Variants in C5orf24 observed in about 807,000 individuals in gnomAD.
C5orf24 encodes UPF0461 protein C5orf24.
In C5orf24, 4 loss-of-function variants were observed where a neutral mutation model predicts 9.8. That is an observed-to-expected ratio of 0.41 (90% CI 0.20 to 0.93). The LOEUF (loss-of-function observed/expected upper bound fraction) is 0.93, where lower values mean the gene tolerates loss of function less well. C5orf24 is among the 40% of genes least tolerant of loss of function. The pLI, the probability that C5orf24 is intolerant of heterozygous loss-of-function variation, is 0.33. For synonymous variants in C5orf24, 73 were observed against 81.3 expected (o/e 0.90, Z 0.55); for missense variants, 170 against 236.9 (o/e 0.72, Z 1.85).
chr5:134,856,581 C>T lies in C5orf24; in HGVS notation c.*1114C>T, dbSNP rs1756317675. Reference sequence around the variant, plus strand: ...GCTTAAATCCAGGAGGCGGAGGTTGCAGTGAGCCAAGATTGTGCCACTGCA... The same window carrying T: ...GCTTAAATCCAGGAGGCGGAGGTTGTAGTGAGCCAAGATTGTGCCACTGCA... On this transcript the variant is annotated 3_prime_UTR_variant, in exon 2 of 2. Coordinates refer to ENST00000394976, the MANE Select transcript of C5orf24 (RefSeq NM_001135586.1). 7.2e-6 allele frequency: 3 copies of T among 418,866 alleles called. No homozygotes were observed. The highest frequency in any genetic ancestry group is 4.3e-5 in the African/African-American group (2 of 46,020). The allele number at this position is 418,866 out of a possible 1,614,324, so 25.9% of individuals were successfully genotyped here.
chr5:134,857,378 GGTGTTCCA>G lies in C5orf24; in HGVS notation c.*1915_*1922del. On this transcript the variant is annotated 3_prime_UTR_variant, in exon 2 of 2. Coordinates refer to ENST00000394976, the MANE Select transcript of C5orf24 (RefSeq NM_001135586.1). Reference sequence around the variant, plus strand: ...TCAGGAAAAAAGCAGCAAGCCTTCAGGTGTTCCAGTGATGCCTGACACAATTGAGCTGG... The same window carrying G: ...TCAGGAAAAAAGCAGCAAGCCTTCAGGTGATGCCTGACACAATTGAGCTGG... The G allele has an allele frequency of 1.9e-6, 3 of 1,548,366 alleles. No homozygotes were observed. The highest frequency in any genetic ancestry group is 2.6e-6 in the Non-Finnish European group (3 of 1,145,452).
rs951489355 is a variant in C5orf24, at chr5:134,855,654, C to T, written c.*187C>T. The T allele has an allele frequency of 8.9e-6, 13 of 1,454,882 alleles. No homozygotes were observed. Among genetic ancestry groups the T allele is most frequent in the Admixed American group, 8.7e-5 (3 of 34,346 alleles). 90.1% of individuals were successfully genotyped at this position (1,454,882 alleles called of 1,614,324 possible). ...ACAGATGCACTCAGGGCATGAGCAG[C>T]GGCATTGTATTTGTACATAGGTTCA... On this transcript the variant is annotated 3_prime_UTR_variant, in exon 2 of 2. Transcript: ENST00000394976.
chr5:134,841,287 T>C (rs2150169736), upstream of C5orf24, among the ~76,000 whole-genome samples: 1 of 144,310 alleles, frequency 6.9e-6, no homozygotes, highest in East Asian at 2.0e-4. Context: ...CAGTGATTTC[T>C]TTTTTTTTTT....
chr5:134,837,220 G>A, the C5orf24 span, among the ~76,000 whole-genome samples: 1 of 152,026 alleles, frequency 6.6e-6, no homozygotes, highest in East Asian at 1.9e-4. Context: ...TGATCCACCC[G>A]CCTTGACCTC....
Position 134,856,299 on chromosome 5 carries a change from A to G in C5orf24, c.*832A>G. ...AGAAGCATTCTCTAGGTTTGCATGT[A>G]GCTATAGTCACTATATTTTGCCTTT... On this transcript the variant is annotated 3_prime_UTR_variant, in exon 2 of 2. Transcript: ENST00000394976. 1 of 994,642 alleles carries G rather than the reference A, an allele frequency of 1.0e-6. No individual in the cohort carries two copies. Among genetic ancestry groups the G allele is most frequent in the Middle Eastern group, 5.2e-4 (1 of 1,908 alleles). The allele number at this position is 994,642 out of a possible 1,614,324, so 61.6% of individuals were successfully genotyped here.
rs34413979 is a variant in C5orf24, at chr5:134,848,494, T to TA, written c.-4+2296dup. Among the ~76,000 whole-genome samples, 1,143 of 128,186 alleles carry TA rather than the reference T, an allele frequency of 8.9e-3. 5 individuals carry two copies. Among genetic ancestry groups the TA allele is most frequent in the African/African-American group, 0.022 (759 of 34,550 alleles). 84.1% of individuals were successfully genotyped at this position (128,186 alleles called of 152,430 possible). Reference sequence around the variant, plus strand: ...CAACATGGTGAAACCTCGTTTCTACTAAAAAAAAAAAAAAGTATAAAAATT... The same window carrying TA: ...CAACATGGTGAAACCTCGTTTCTACTAAAAAAAAAAAAAAAGTATAAAAATT... On this transcript the variant is annotated intron_variant, in intron 1 of 1. Coordinates refer to ENST00000394976, the MANE Select transcript of C5orf24 (RefSeq NM_001135586.1).
chr5:134,834,169 A>G, the C5orf24 span, among the ~76,000 whole-genome samples: 6 of 152,284 alleles, frequency 3.9e-5, no homozygotes, highest in Middle Eastern at 3.4e-3. Flanking sequence ...TCTCTTCACA[A>G]CTTTGCATAC....
chr5:134,835,631 A>G, the C5orf24 span, among the ~76,000 whole-genome samples: 1 of 152,204 alleles, frequency 6.6e-6, no homozygotes, highest in Admixed American at 6.5e-5. Context: ...TGGGTGACAG[A>G]GTAACTCCAT....
Position 134,857,144 on chromosome 5 carries a change from C to T in C5orf24, c.*1677C>T. The T allele has an allele frequency of 1.5e-6, 2 of 1,292,310 alleles. No individual in the cohort carries two copies. Among genetic ancestry groups the T allele is most frequent in the South Asian group, 2.3e-5 (1 of 43,474 alleles). 80.1% of individuals were successfully genotyped at this position (1,292,310 alleles called of 1,614,324 possible). On this transcript the variant is annotated 3_prime_UTR_variant, in exon 2 of 2. Transcript: ENST00000394976. ...TTTGTTCTAAATAAAATATTATAAA[C>T]TTCAGACTTGAAAAAATTCCACTTA...
At chr5:134,837,015 C>G in the C5orf24 span, among the ~76,000 whole-genome samples, 1 of 150,800 alleles carries the variant, frequency 6.6e-6, no homozygotes, top group Non-Finnish European at 1.5e-5. Flanking sequence ...CTCTTGTTGC[C>G]CAGGTTGGAG....
At position 134,857,680 on chromosome 5, in the gene C5orf24, G is replaced by T; in HGVS notation, c.*2213G>T. The stretch of plus-strand genomic sequence containing the variant: ...CAAATGCTTGCCTCTTTATTCATAT[G>T]TTCGTTACCTACTCTGTACATGTAT... On this transcript the variant is annotated 3_prime_UTR_variant, in exon 2 of 2. Transcript: ENST00000394976. The T allele has an allele frequency of 3.2e-6, 1 of 317,286 alleles. No homozygotes were observed. Among genetic ancestry groups the T allele is most frequent in the Non-Finnish European group, 6.0e-6 (1 of 167,802 alleles). 19.7% of individuals were successfully genotyped at this position (317,286 alleles called of 1,614,324 possible). A position where few individuals can be genotyped will look rare whatever the true frequency, so the allele number is the denominator to read the frequency against.
rs137911748 is a variant in C5orf24, at chr5:134,854,504, A to C, written c.-3-394A>C. ...GAGGCATTCTAAGAACATCAGGCAA[A>C]CTGAAAAAAAGAATTGTGTTAATAA... On this transcript the variant is annotated intron_variant, in intron 1 of 1. Transcript: ENST00000394976. Among the ~76,000 whole-genome samples the C allele has an allele frequency of 3.3e-3, 507 of 152,360 alleles. 5 individuals carry two copies. The highest frequency in any genetic ancestry group is 0.027 in the Middle Eastern group (8 of 294).
intron 1 of C5orf24, among the ~76,000 whole-genome samples, chr5:134,848,134 A>G (rs1421457717): frequency 6.7e-6 from 1 of 150,100 alleles, no homozygotes; most frequent in Non-Finnish European, 1.5e-5. Flanking sequence ...AACATGGTGA[A>G]ACCCGTCTCT....
intron 1 of C5orf24, among the ~76,000 whole-genome samples, chr5:134,851,856 C>T (rs1332792973): frequency 6.6e-6 from 1 of 152,166 alleles, no homozygotes; most frequent in East Asian, 1.9e-4. Flanking sequence ...AACTTTCAGC[C>T]AATACTATGT....
chr5:134,854,760 C>T, intron 1 of C5orf24, 138 bp from the exon 2 acceptor site: 1 of 798,666 alleles, frequency 1.3e-6, no homozygotes, highest in South Asian at 1.7e-5. Flanking sequence ...TATAAGTGGT[C>T]TGGAGTCCTG....
At chr5:134,834,383 C>T in the C5orf24 span, among the ~76,000 whole-genome samples, 1 of 152,104 alleles carries the variant, frequency 6.6e-6, no homozygotes, top group Non-Finnish European at 1.5e-5. Flanking sequence ...CCAGCCATTC[C>T]CAGAAACCTT....
At position 134,855,689 on chromosome 5, in the gene C5orf24, C is replaced by CTAGTT; in HGVS notation, c.*222_*223insTAGTT. 7.1e-7 allele frequency: 1 copy of CTAGTT among 1,417,604 alleles called. No homozygotes were observed. Among genetic ancestry groups the CTAGTT allele is most frequent in the Non-Finnish European group, 9.2e-7 (1 of 1,087,354 alleles). 87.8% of individuals were successfully genotyped at this position (1,417,604 alleles called of 1,614,324 possible). ...TTTGTACATAGGTTCAAGTGTAACA[C>CTAGTT]CTAACTAAATCATTTTTCCTTTTCC... On this transcript the variant is annotated 3_prime_UTR_variant, in exon 2 of 2. Coordinates refer to ENST00000394976, the MANE Select transcript of C5orf24 (RefSeq NM_001135586.1).
upstream of C5orf24, among the ~76,000 whole-genome samples, chr5:134,843,736 G>C (rs1755933717): frequency 6.6e-6 from 1 of 152,086 alleles, no homozygotes; most frequent in Non-Finnish European, 1.5e-5. Flanking sequence ...TGTATTTTTA[G>C]TAGAGACAGG....
At chr5:134,837,479 T>C in the C5orf24 span, among the ~76,000 whole-genome samples, 1 of 152,316 alleles carries the variant, frequency 6.6e-6, no homozygotes, top group South Asian at 2.1e-4. Flanking sequence ...TTATGCTCTC[T>C]GCTATACACT....
Sources: gnomAD v4.1 joint callset for allele counts (sites outside exome capture counted in the v4.1 genomes callset) on GRCh38, gnomAD v4.1.1 for gene constraint, MANE v1.5 for transcripts, NCBI Gene and HGNC (gene_info 2026-07-23, HGNC 2026-07-21) for gene names.